The following MAP2 variants were observed in gnomAD, a reference collection of about 807,000 sequenced individuals.
MAP2 encodes the protein microtubule associated protein 2.
MAP2 carries 14 observed loss-of-function variants against 137.6 expected under a neutral mutation model. The ratio of observed to expected loss-of-function variants is 0.10; its 90% confidence interval spans 0.07 to 0.16. The LOEUF is 0.16. MAP2 is among the 10% of genes least tolerant of loss of function. MAP2 has a pLI of 1.00. For missense variants in MAP2, 2,088 were observed against 2,191.5 expected (o/e 0.95, Z 0.94); for synonymous variants, 786 against 782.3 (o/e 1.00, Z -0.08).
In MAP2 at chr2:209,695,475, G is replaced by A. The variant is rs1391936810; in HGVS notation, c.3305G>A (p.Gly1102Asp). 7 of 1,614,070 alleles carry A rather than the reference G, an allele frequency of 4.3e-6. No individual in the cohort carries two copies. Among genetic ancestry groups the A allele is most frequent in the Admixed American group, 1.7e-5 (1 of 60,010 alleles). Residue 1102 changes from glycine (G) to aspartate (D), a missense_variant, in exon 8 of 16, where the codon GGC becomes GAC. Physicochemically the swap from Gly to Asp is moderately conservative, Grantham distance 94. This residue lies in a region of MAP2 where 500 missense variants were observed against 482.9 expected (regional missense o/e 1.04). Coordinates refer to ENST00000682079, the MANE Select transcript of MAP2 (RefSeq NM_001375505.1). ...GTTGAGTCTGGCCACATGAAAGAAG[G>A]CACTAAAGTTAGTGAGACAGAAGTC... ...MGVESGHMKE[G>D]TKVSETEVKE...
chr2:209,528,474 T>C (rs539692954), intron 2 of MAP2, among the ~76,000 whole-genome samples: 4 of 152,268 alleles, frequency 2.6e-5, no homozygotes, highest in South Asian at 4.1e-4. Flanking sequence ...TATAATGTTA[T>C]ATTTGCTTTT....
chr2:209,643,946 G>A (rs1391202102), intron 4 of MAP2, among the ~76,000 whole-genome samples: 1 of 152,128 alleles, frequency 6.6e-6, no homozygotes, highest in African/African-American at 2.4e-5. Context: ...TAGTCTATAG[G>A]GATGTTCCAT....
At chr2:209,598,716 C>A (rs1165867942) in intron 3 of MAP2, among the ~76,000 whole-genome samples, 1 of 150,792 alleles carries the variant, frequency 6.6e-6, no homozygotes, top group Non-Finnish European at 1.5e-5. Context: ...TTTGTTCTTG[C>A]AATAGTTTAC....
At chr2:209,697,283 A>T (rs933413551) in intron 10 of MAP2, among the ~76,000 whole-genome samples, 1 of 152,078 alleles carries the variant, frequency 6.6e-6, no homozygotes, top group Non-Finnish European at 1.5e-5. Context: ...GCGTGATTGT[A>T]TCTTGGCATT....
At chr2:209,698,111 G>A (rs2060749755) in intron 10 of MAP2, among the ~76,000 whole-genome samples, 1 of 151,744 alleles carries the variant, frequency 6.6e-6, no homozygotes, top group African/African-American at 2.4e-5. Flanking sequence ...GCCTCCCAAA[G>A]TGCTGGGATT....
At chr2:209,658,952 A>G (rs900610276) in intron 5 of MAP2, among the ~76,000 whole-genome samples, 1 of 152,214 alleles carries the variant, frequency 6.6e-6, no homozygotes, top group Non-Finnish European at 1.5e-5. Flanking sequence ...GCACCGTCAT[A>G]TCTTTTATCT....
chr2:209,434,737 G>T (rs979778003), intron 1 of MAP2, among the ~76,000 whole-genome samples: 1 of 150,164 alleles, frequency 6.7e-6, no homozygotes, highest in Admixed American at 6.7e-5. Flanking sequence ...TGAAAGGATT[G>T]CTTGAACCAT....
At chr2:209,538,043 T>C (rs1046755296) in intron 2 of MAP2, among the ~76,000 whole-genome samples, 3 of 152,206 alleles carry the variant, frequency 2.0e-5, no homozygotes, top group Non-Finnish European at 4.4e-5. Flanking sequence ...GAACCCAGTC[T>C]ATCTCACTTG....
At chr2:209,484,713 A>G (rs186945855) in intron 1 of MAP2, among the ~76,000 whole-genome samples, 106 of 152,246 alleles carry the variant, frequency 7.0e-4, no homozygotes, top group Non-Finnish European at 1.3e-3. Context: ...AACAAAAAAC[A>G]TATCTTTCTC....
chr2:209,510,211 G>GT (rs971658188), intron 2 of MAP2, among the ~76,000 whole-genome samples: 13 of 151,154 alleles, frequency 8.6e-5, no homozygotes, highest in Admixed American at 4.6e-4. Flanking sequence ...TTTTCCTCCA[G>GT]TTTTTTTTGT....
At chr2:209,653,802 T>G (rs899738659) in intron 5 of MAP2, among the ~76,000 whole-genome samples, 2 of 152,202 alleles carry the variant, frequency 1.3e-5, no homozygotes, top group Admixed American at 6.5e-5. Context: ...TAGAAGCATA[T>G]TTTTTAGAGC....
chr2:209,468,253 T>C lies in MAP2; in HGVS notation c.-221-39339T>C, dbSNP rs1275749547. ...CATTAATTTTTCACATCTCTCCTAGTAGGCTAATTTCAGTTTTTAGAAAAC... is the reference window on the plus strand; with the variant it reads ...CATTAATTTTTCACATCTCTCCTAGCAGGCTAATTTCAGTTTTTAGAAAAC... On this transcript the variant is annotated intron_variant, in intron 1 of 15. Transcript: ENST00000682079. 1.5e-4 allele frequency among the ~76,000 whole-genome samples: 23 copies of C among 151,788 alleles called. 1 individual carries two copies. The highest frequency in any genetic ancestry group is 1.5e-5 in the Non-Finnish European group (1 of 67,954).
intron 5 of MAP2, among the ~76,000 whole-genome samples, chr2:209,666,255 A>C (rs533774332): frequency 2.0e-5 from 2 of 98,100 alleles, no homozygotes; most frequent in Non-Finnish European, 4.8e-5. Flanking sequence ...GGTGTAGATC[A>C]CAACGCATGT....
At chr2:209,579,992 C>A (rs2076039976) in intron 2 of MAP2, 44 bp from the exon 3 acceptor site, 1 of 25,084 alleles carries the variant, frequency 4.0e-5, no homozygotes, top group Admixed American at 7.9e-4. Context: ...GTTAACAAAT[C>A]CATATATATA....
chr2:209,691,318 T>A (rs1204068816), intron 7 of MAP2, among the ~76,000 whole-genome samples: 5 of 152,212 alleles, frequency 3.3e-5, no homozygotes, highest in Non-Finnish European at 4.4e-5. Context: ...CTATATTTTT[T>A]ATGCTTCAAT....
At chr2:209,622,226 TA>T (rs1398475974) in intron 3 of MAP2, among the ~76,000 whole-genome samples, 28 of 152,052 alleles carry the variant, frequency 1.8e-4, no homozygotes, top group Admixed American at 1.8e-3. Context: ...ATGTGCTGAG[TA>T]AAAAAAGTAC....
At position 209,678,677 on chromosome 2, in the gene MAP2, T is replaced by C. The variant is rs746890780; in HGVS notation, c.368T>C (p.Leu123Pro). Reference protein sequence around the residue: ...EAQHKDQTAALPLAAEETANL... With the variant: ...EAQHKDQTAAPPLAAEETANL... ...CAACATAAAGACCAGACTGCAGCTC[T>C]GCCTTTAGGTAAATAAGAAGATTCT... The change falls in exon 6 of 16, where the codon CTG (leucine) becomes CCG (proline). Residue 123 changes from leucine to proline, a missense_variant. By Grantham distance (98) the Leu-to-Pro change is moderately conservative (BLOSUM62 -3). Transcript: ENST00000682079. 6.3e-7 allele frequency: 1 copy of C among 1,589,046 alleles called. No homozygotes were observed. The highest frequency in any genetic ancestry group is 1.1e-5 in the South Asian group (1 of 87,970).
At chr2:209,610,741 A>G (rs1053527693) in intron 3 of MAP2, among the ~76,000 whole-genome samples, 4 of 152,166 alleles carry the variant, frequency 2.6e-5, no homozygotes, top group Admixed American at 6.6e-5. Context: ...TATAAAGGCC[A>G]TATGTTTCCA....
At chr2:209,492,082 A>T (rs1475697865) in intron 1 of MAP2, among the ~76,000 whole-genome samples, 1 of 152,174 alleles carries the variant, frequency 6.6e-6, no homozygotes, top group Non-Finnish European at 1.5e-5. Flanking sequence ...AGCACATCAA[A>T]AACTTATCGA....
Sources: allele counts gnomAD v4.1 joint callset (sites outside exome capture counted in the v4.1 genomes callset), GRCh38; gene constraint gnomAD v4.1.1; regional missense constraint gnomAD v4.1.1; transcripts MANE v1.5; gene names NCBI Gene and HGNC (gene_info 2026-07-23, HGNC 2026-07-21).